The following CACNA2D3 variants were observed in gnomAD, a reference collection of about 807,000 sequenced individuals.
The protein encoded by CACNA2D3 is voltage-dependent calcium channel subunit alpha-2/delta-3.
Under a neutral mutation model 160.6 loss-of-function variants are expected in CACNA2D3, and 60 were observed. The observed-to-expected ratio is 0.37, with a 90% CI of 0.30 to 0.46. The LOEUF is 0.46. CACNA2D3 is among the 20% of genes least tolerant of loss of function. The probability of loss-of-function intolerance (pLI) is 1.00; values close to 1 mark genes in which losing one functional copy is unlikely to be tolerated. For synonymous variants in CACNA2D3, 558 were observed against 492.9 expected (o/e 1.13, Z -1.75); for missense variants, 1,205 against 1,365.0 (o/e 0.88, Z 1.85).
At chr3:54,925,740 A>C (rs930302128) in intron 27 of CACNA2D3, among the ~76,000 whole-genome samples, 1 of 152,234 alleles carries the variant, frequency 6.6e-6, no homozygotes, top group Non-Finnish European at 1.5e-5. Context: ...TTGAGATGCA[A>C]CTACTGCAAC....
At chr3:54,697,477 A>G (rs1016985002) in intron 11 of CACNA2D3, among the ~76,000 whole-genome samples, 2 of 152,098 alleles carry the variant, frequency 1.3e-5, no homozygotes, top group East Asian at 1.9e-4. Context: ...TTCTAATCCT[A>G]CAGTTTCCAA....
chr3:54,980,341 T>C (rs1455071782), intron 29 of CACNA2D3, among the ~76,000 whole-genome samples: 1 of 152,200 alleles, frequency 6.6e-6, no homozygotes, highest in East Asian at 1.9e-4. Context: ...AACTGAATAC[T>C]ACCTCTTTAA....
chr3:55,059,573 T>C (rs1704452089), intron 35 of CACNA2D3, among the ~76,000 whole-genome samples: 1 of 151,526 alleles, frequency 6.6e-6, no homozygotes, highest in Non-Finnish European at 1.5e-5. Flanking sequence ...ACTAAGGTTG[T>C]GTGGCTGAAA....
intron 2 of CACNA2D3, among the ~76,000 whole-genome samples, chr3:54,289,362 A>T (rs1339281366): frequency 6.6e-6 from 1 of 152,134 alleles, no homozygotes; most frequent in Non-Finnish European, 1.5e-5. Flanking sequence ...GACATGAAGG[A>T]CCTCTTCAAG....
At chr3:54,865,020 C>G (rs961041507) in intron 17 of CACNA2D3, among the ~76,000 whole-genome samples, 1 of 152,182 alleles carries the variant, frequency 6.6e-6, no homozygotes, top group African/African-American at 2.4e-5. Flanking sequence ...ACCTTCATGA[C>G]GAATGATGGG....
intron 11 of CACNA2D3, among the ~76,000 whole-genome samples, chr3:54,654,903 C>G (rs1699848249): frequency 6.6e-6 from 1 of 152,300 alleles, no homozygotes; most frequent in African/African-American, 2.4e-5. Context: ...ATCCCTCTCC[C>G]TCCTCCATGG....
At chr3:54,331,523 T>C (rs1236532357) in intron 3 of CACNA2D3, among the ~76,000 whole-genome samples, 1 of 152,196 alleles carries the variant, frequency 6.6e-6, no homozygotes, top group Non-Finnish European at 1.5e-5. Flanking sequence ...ATCATCTCTG[T>C]TGTCATCATG....
intron 25 of CACNA2D3, among the ~76,000 whole-genome samples, chr3:54,892,306 G>A (rs147870986): frequency 6.6e-6 from 1 of 152,206 alleles, no homozygotes; most frequent in Non-Finnish European, 1.5e-5. Flanking sequence ...AGGGTACCTG[G>A]AGGTGAATAA....
At chr3:54,727,059 T>C (rs981035100) in intron 11 of CACNA2D3, among the ~76,000 whole-genome samples, 6 of 150,908 alleles carry the variant, frequency 4.0e-5, no homozygotes, top group African/African-American at 7.3e-5. Context: ...AACTGAAATG[T>C]ATAAGAGAAA....
chr3:54,275,782 T>A (rs980228415), intron 2 of CACNA2D3, among the ~76,000 whole-genome samples: 2 of 152,086 alleles, frequency 1.3e-5, no homozygotes, highest in African/African-American at 4.8e-5. Context: ...CACGCCTGGC[T>A]AATTTTTATG....
intron 4 of CACNA2D3, among the ~76,000 whole-genome samples, chr3:54,460,310 A>G (rs1700477552): frequency 6.6e-6 from 1 of 152,154 alleles, no homozygotes; most frequent in East Asian, 1.9e-4. Context: ...AATTCTGTGA[A>G]GAAAGTTATT....
chr3:54,422,786 C>T (rs1699857701), intron 4 of CACNA2D3, among the ~76,000 whole-genome samples: 1 of 152,160 alleles, frequency 6.6e-6, no homozygotes, highest in African/African-American at 2.4e-5. Context: ...AATGCACAGA[C>T]CCTACGAACC....
intron 4 of CACNA2D3, among the ~76,000 whole-genome samples, chr3:54,484,486 G>T (rs1158187607): frequency 6.6e-6 from 1 of 152,142 alleles, no homozygotes; most frequent in Non-Finnish European, 1.5e-5. Flanking sequence ...TGGTAACCGG[G>T]GATGGACATC....
chr3:54,683,553 G>A (rs1700392320), intron 11 of CACNA2D3, among the ~76,000 whole-genome samples: 1 of 152,172 alleles, frequency 6.6e-6, no homozygotes, highest in Non-Finnish European at 1.5e-5. Flanking sequence ...TAGGTCAAAG[G>A]TGGCGAGCAT....
At chr3:54,533,804 TG>T in intron 5 of CACNA2D3, among the ~76,000 whole-genome samples, 1 of 135,008 alleles carries the variant, frequency 7.4e-6, no homozygotes. Context: ...AGTGTGTGTG[TG>T]TGTGTGTGTG....
At chr3:54,177,320 T>C (rs1700696729) in intron 2 of CACNA2D3, among the ~76,000 whole-genome samples, 1 of 152,216 alleles carries the variant, frequency 6.6e-6, no homozygotes. Context: ...TGGCTTGTTA[T>C]TTTGGGTCTT....
At chr3:54,666,897 G>A (rs576083186) in intron 11 of CACNA2D3, among the ~76,000 whole-genome samples, 1 of 152,254 alleles carries the variant, frequency 6.6e-6, no homozygotes, top group African/African-American at 2.4e-5. Flanking sequence ...TCGTCACCTG[G>A]GGCAGCAGAA....
intron 11 of CACNA2D3, among the ~76,000 whole-genome samples, chr3:54,677,148 C>CCCAAATATGTAACTTTA (rs1422182087): frequency 6.6e-6 from 1 of 152,046 alleles, no homozygotes; most frequent in Non-Finnish European, 1.5e-5. Context: ...TTTTGTGCCC[C>CCCAAATATGTAACTTTA]CCAAATATGT....
In CACNA2D3 at chr3:54,380,148, A is replaced by G. The variant is rs77377046; in HGVS notation, c.322-6567A>G. Among the ~76,000 whole-genome samples the G allele has an allele frequency of 5.9e-3, 896 of 152,328 alleles. 25 individuals are homozygous for G. The East Asian group carries it at 0.081, about 14-fold the overall frequency. ...ATGGATGATTTCTGACCCTTGGTAC[A>G]AGACAAGAGTTTGAAATAAGTACGG... is the stretch of plus-strand genomic sequence containing the variant. On this transcript the variant is annotated intron_variant, in intron 3 of 37. Transcript: ENST00000474759.
Sources: allele counts gnomAD v4.1 joint callset (sites outside exome capture counted in the v4.1 genomes callset), GRCh38; gene constraint gnomAD v4.1.1; transcripts MANE v1.5; gene names NCBI Gene and HGNC (gene_info 2026-07-23, HGNC 2026-07-21).